Variants in SPATA6 observed in about 807,000 individuals in gnomAD.
SPATA6 encodes the protein spermatogenesis-associated protein 6.
SPATA6 carries 56 observed loss-of-function variants against 65.3 expected under a neutral mutation model. The ratio of observed to expected loss-of-function variants is 0.86; its 90% CI spans 0.69 to 1.07. The LOEUF (loss-of-function observed/expected upper bound fraction) is 1.07, where lower values mean the gene tolerates loss of function less well. SPATA6 is among the 50% of genes least tolerant of loss of function. The pLI is 0.00. For synonymous variants in SPATA6, 199 were observed against 213.2 expected (o/e 0.93, Z 0.58); for missense variants, 590 against 594.8 (o/e 0.99, Z 0.08).
intron 8 of SPATA6, among the ~76,000 whole-genome samples, chr1:48,393,872 T>C (rs879905757): frequency 1.3e-5 from 2 of 152,052 alleles, no homozygotes; most frequent in African/African-American, 4.8e-5. Flanking sequence ...AGGACAATAA[T>C]GTCATCATGA....
intron 1 of SPATA6, among the ~76,000 whole-genome samples, chr1:48,463,852 T>C (rs928292163): frequency 1.3e-5 from 2 of 152,028 alleles, no homozygotes; most frequent in Admixed American, 6.6e-5. Context: ...AATAAAAAAT[T>C]AGCCAACCAA....
At chr1:48,372,611 C>G (rs1294907485) in intron 9 of SPATA6, among the ~76,000 whole-genome samples, 1 of 152,234 alleles carries the variant, frequency 6.6e-6, no homozygotes, top group Non-Finnish European at 1.5e-5. Context: ...CTCCACCAGG[C>G]AGTGCCCCAG....
At chr1:48,358,379 T>C (rs1460291649) in intron 10 of SPATA6, among the ~76,000 whole-genome samples, 2 of 151,166 alleles carry the variant, frequency 1.3e-5, no homozygotes, top group East Asian at 3.9e-4. Flanking sequence ...TAAAAGTAAA[T>C]AATATTTATT....
At chr1:48,367,287 A>T (rs1264973152) in intron 9 of SPATA6, among the ~76,000 whole-genome samples, 1 of 152,112 alleles carries the variant, frequency 6.6e-6, no homozygotes, top group African/African-American at 2.4e-5. Flanking sequence ...TTTGGGGTGG[A>T]GAGTTCTGTA....
intron 7 of SPATA6, 144 bp downstream of exon 7, chr1:48,399,207 T>A (rs1386056348): frequency 1.4e-5 from 13 of 960,818 alleles, no homozygotes; most frequent in Non-Finnish European, 1.6e-5. Context: ...TAAATTAATT[T>A]CCCATCTTAG....
At chr1:48,428,855 GTA>G (rs35301174) in intron 3 of SPATA6, among the ~76,000 whole-genome samples, 16,497 of 138,492 alleles carry the variant, frequency 0.12, 1,126 homozygotes, top group Non-Finnish European at 0.17. Flanking sequence ...ATATATGTGT[GTA>G]TATATATATA....
chr1:48,317,298 C>A (rs895996779), intron 11 of SPATA6, among the ~76,000 whole-genome samples: 2 of 152,122 alleles, frequency 1.3e-5, no homozygotes, highest in African/African-American at 4.8e-5. Context: ...CAATGATAGA[C>A]TGGATTAAGA....
intron 3 of SPATA6, chr1:48,436,113 A>T: frequency 6.2e-7 from 1 of 1,610,052 alleles, no homozygotes; most frequent in Non-Finnish European, 8.5e-7. Context: ...CCAGTGAAGT[A>T]CTATGTTCCA....
chr1:48,431,485 A>G (rs1287875660), intron 3 of SPATA6, among the ~76,000 whole-genome samples: 1 of 152,176 alleles, frequency 6.6e-6, no homozygotes, highest in Non-Finnish European at 1.5e-5. Flanking sequence ...TTTCTCAAGT[A>G]TATATGGGGT....
intron 11 of SPATA6, among the ~76,000 whole-genome samples, chr1:48,317,239 C>A (rs547140759): frequency 6.6e-6 from 1 of 152,024 alleles, no homozygotes; most frequent in Admixed American, 6.6e-5. Context: ...ATATGTTTAT[C>A]GCGGCATTAT....
the SPATA6 span, among the ~76,000 whole-genome samples, chr1:48,275,408 G>T: frequency 1.3e-5 from 2 of 152,132 alleles, no homozygotes; most frequent in East Asian, 1.9e-4. Flanking sequence ...GGGCATCCTT[G>T]CCTTTTGCTG....
intron 9 of SPATA6, among the ~76,000 whole-genome samples, chr1:48,384,595 T>C (rs945010774): frequency 6.6e-6 from 1 of 152,004 alleles, no homozygotes; most frequent in African/African-American, 2.4e-5. Context: ...GATATACAGA[T>C]TTTACATGGC....
chr1:48,343,891 C>T (rs1300043221), intron 11 of SPATA6, among the ~76,000 whole-genome samples: 1 of 151,858 alleles, frequency 6.6e-6, no homozygotes, highest in African/African-American at 2.4e-5. Context: ...ATCAAAGGAA[C>T]AGGAAAGAAA....
intron 1 of SPATA6, among the ~76,000 whole-genome samples, chr1:48,471,735 G>A (rs1486392176): frequency 1.3e-5 from 2 of 152,220 alleles, no homozygotes; most frequent in Non-Finnish European, 2.9e-5. Context: ...TGGAAGTCGG[G>A]TTGAAGCCAG....
At chr1:48,367,200 A>AGTGCTTTACTTCCAACTATGAGGG (rs1647049603) in intron 9 of SPATA6, among the ~76,000 whole-genome samples, 1 of 152,152 alleles carries the variant, frequency 6.6e-6, no homozygotes, top group Admixed American at 6.5e-5. Context: ...TTTGCTGAGG[A>AGTGCTTTACTTCCAACTATGAGGG]GTGCTTTACT....
Position 48,310,916 on chromosome 1 carries a change from C to G in SPATA6, c.1195-5038G>C, listed in dbSNP as rs1456274255. Reference sequence around the variant, plus strand: ...ATAACATGAAATTAGAGAATAATAGCAGAAGAAAATTTGGGTAATTAATAA... The same window carrying G: ...ATAACATGAAATTAGAGAATAATAGGAGAAGAAAATTTGGGTAATTAATAA... On this transcript the variant is annotated intron_variant, in intron 11 of 12. Coordinates refer to ENST00000371847, the MANE Select transcript of SPATA6 (RefSeq NM_019073.4). 2.6e-5 allele frequency among the ~76,000 whole-genome samples: 4 copies of G among 151,902 alleles called. No individual in the cohort carries two copies. The East Asian group carries it at 5.8e-4, about 22-fold the overall frequency.
At chr1:48,279,810 G>C in the SPATA6 span, among the ~76,000 whole-genome samples, 29 of 152,184 alleles carry the variant, frequency 1.9e-4, no homozygotes, top group African/African-American at 4.1e-4. Flanking sequence ...AGGAATTGAA[G>C]TCAGCTCTGC....
At chr1:48,465,777 C>CA (rs1204834838) in intron 1 of SPATA6, among the ~76,000 whole-genome samples, 14 of 151,820 alleles carry the variant, frequency 9.2e-5, no homozygotes, top group Admixed American at 8.5e-4. Context: ...CATGATTTTC[C>CA]AAAAAAAGTA....
intron 1 of SPATA6, among the ~76,000 whole-genome samples, chr1:48,470,503 C>T (rs1658158210): frequency 6.6e-6 from 1 of 152,108 alleles, no homozygotes; most frequent in Admixed American, 6.6e-5. Context: ...AAAGCTAGGG[C>T]TATGGAGTTT....
Sources: allele counts gnomAD v4.1 joint callset (sites outside exome capture counted in the v4.1 genomes callset), GRCh38; gene constraint gnomAD v4.1.1; transcripts MANE v1.5; gene names NCBI Gene and HGNC (gene_info 2026-07-23, HGNC 2026-07-21).